PCDH15: variants seen among roughly 807,000 people sequenced by gnomAD.
PCDH15 encodes the protein protocadherin-15.
A neutral mutation model predicts 178.5 loss-of-function variants in PCDH15; 129 were observed. The ratio of observed to expected loss-of-function variants is 0.72; its 90% CI spans 0.63 to 0.84. The LOEUF (loss-of-function observed/expected upper bound fraction) is 0.84. PCDH15 is among the 40% of genes least tolerant of loss of function. The pLI is 0.00. For missense variants in PCDH15, 2,230 were observed against 2,099.9 expected, an observed-to-expected ratio of 1.06 and a Z score of -1.21; for synonymous variants, 800 against 732.0, an observed-to-expected ratio of 1.09 and a Z score of -1.50.
At chr10:55,585,549 C>T (rs1160874466) in intron 2 of PCDH15, among the ~76,000 whole-genome samples, 3 of 151,968 alleles carry the variant, frequency 2.0e-5, no homozygotes, top group South Asian at 2.1e-4. Context: ...TGGTGGCGGG[C>T]GCCTGTAGTC....
chr10:54,104,859 A>G lies in PCDH15; in HGVS notation c.1918-14796T>C, dbSNP rs1417188664. Among the ~76,000 whole-genome samples, 7 of 149,716 alleles carry G rather than the reference A, an allele frequency of 4.7e-5. No homozygotes were observed. The East Asian group carries it at 1.4e-3, about 30-fold the overall frequency. ...CTCAACAACAACAAAAAAAAAAAAA[A>G]AAAAAAAAAAGAATCCCTGAGTTCA... On this transcript the variant is annotated intron_variant, in intron 15 of 37. Coordinates refer to ENST00000644397, the MANE Select transcript of PCDH15 (RefSeq NM_001384140.1).
chr10:54,274,148 G>A (rs944185535), intron 8 of PCDH15, among the ~76,000 whole-genome samples: 11 of 151,896 alleles, frequency 7.2e-5, no homozygotes, highest in Admixed American at 2.0e-4. Flanking sequence ...AGGGTGGAGA[G>A]TTGGAGGAGG....
At chr10:54,209,871 T>C (rs113888363) in intron 10 of PCDH15, among the ~76,000 whole-genome samples, 127 of 152,234 alleles carry the variant, frequency 8.3e-4, no homozygotes, top group Non-Finnish European at 1.5e-3. Context: ...TGACTAAACA[T>C]TTTCTAGAGT....
chr10:55,542,014 T>C (rs908266935), intron 2 of PCDH15, among the ~76,000 whole-genome samples: 4 of 151,692 alleles, frequency 2.6e-5, no homozygotes, highest in Admixed American at 2.6e-4. Flanking sequence ...GAACAAAATT[T>C]GCAAATGATC....
intron 3 of PCDH15, among the ~76,000 whole-genome samples, chr10:54,887,099 T>G (rs2131811810): frequency 6.6e-6 from 1 of 152,298 alleles, no homozygotes; most frequent in African/African-American, 2.4e-5. Context: ...TGTTTTTGAT[T>G]GAAAGGAAGC....
intron 3 of PCDH15, among the ~76,000 whole-genome samples, chr10:54,525,871 A>T (rs1433990129): frequency 6.6e-6 from 1 of 152,266 alleles, no homozygotes; most frequent in Non-Finnish European, 1.5e-5. Flanking sequence ...GCACTACATT[A>T]TAATATCTGG....
chr10:55,380,105 G>A (rs551102214), intron 2 of PCDH15, among the ~76,000 whole-genome samples: 2 of 152,170 alleles, frequency 1.3e-5, no homozygotes, highest in South Asian at 4.2e-4. Flanking sequence ...GAACTCACAT[G>A]AGAAAAATAA....
chr10:53,822,750 T>C lies in PCDH15; in HGVS notation c.4368-2520A>G, dbSNP rs754402677. 197 of 1,613,740 alleles carry C rather than the reference T, an allele frequency of 1.2e-4. 1 individual carries two copies. The highest frequency in any genetic ancestry group is 1.6e-4 in the Non-Finnish European group (189 of 1,179,930). On this transcript the variant is annotated intron_variant, in intron 32 of 37. Transcript: ENST00000644397. ...AGGCCTGGGAAAGCAAAATGAAGAG[T>C]CTGAAGAGAGAGATTTCAACTGTTC...
chr10:54,418,838 A>G (rs1954824132), intron 3 of PCDH15, among the ~76,000 whole-genome samples: 1 of 152,046 alleles, frequency 6.6e-6, no homozygotes, highest in Non-Finnish European at 1.5e-5. Context: ...ATTCTAAACA[A>G]AGCTAAAAGA....
At chr10:54,956,588 A>G (rs990795047) in intron 2 of PCDH15, among the ~76,000 whole-genome samples, 5 of 151,614 alleles carry the variant, frequency 3.3e-5, no homozygotes, top group Admixed American at 6.6e-5. Flanking sequence ...AGAATAGGGT[A>G]TATTTAATCA....
intron 2 of PCDH15, among the ~76,000 whole-genome samples, chr10:54,662,167 T>A (rs2094501765): frequency 1.3e-5 from 2 of 151,976 alleles, no homozygotes; most frequent in Middle Eastern, 3.4e-3. Context: ...GACAAAAGAT[T>A]TATGTCCGAA....
chr10:54,336,439 G>A (rs1246625621), intron 6 of PCDH15, among the ~76,000 whole-genome samples: 1 of 152,142 alleles, frequency 6.6e-6, no homozygotes, highest in Admixed American at 6.6e-5. Context: ...GCCAGGTCCT[G>A]GACCCCCCTT....
At chr10:54,145,481 C>T (rs2043815620) in intron 14 of PCDH15, among the ~76,000 whole-genome samples, 1 of 152,038 alleles carries the variant, frequency 6.6e-6, no homozygotes, top group African/African-American at 2.4e-5. Flanking sequence ...TTGATGTTCA[C>T]AGATTGTATT....
chr10:53,906,685 C>T (rs967928296), intron 25 of PCDH15, among the ~76,000 whole-genome samples: 1 of 152,050 alleles, frequency 6.6e-6, no homozygotes, highest in African/African-American at 2.4e-5. Flanking sequence ...CTTTTGGTAC[C>T]ACAAAATAAT....
intron 2 of PCDH15, among the ~76,000 whole-genome samples, chr10:55,423,464 T>C (rs965996383): frequency 2.0e-5 from 3 of 151,922 alleles, no homozygotes; most frequent in South Asian, 2.1e-4. Flanking sequence ...ATGAAACAAA[T>C]GGTTGAGGAA....
chr10:54,105,111 T>C (rs1269420774), intron 15 of PCDH15, among the ~76,000 whole-genome samples: 1 of 150,762 alleles, frequency 6.6e-6, no homozygotes, highest in Non-Finnish European at 1.5e-5. Flanking sequence ...GATCTAATCA[T>C]ATTAAACAGC....
intron 5 of PCDH15, among the ~76,000 whole-genome samples, chr10:54,364,151 G>A (rs557179985): frequency 9.3e-4 from 141 of 151,506 alleles, no homozygotes; most frequent in Non-Finnish European, 1.5e-3. Flanking sequence ...GGCAGAGGTT[G>A]TGCTGAGCCA....
intron 1 of PCDH15, among the ~76,000 whole-genome samples, chr10:55,294,913 T>A (rs2132271999): frequency 6.6e-6 from 1 of 152,284 alleles, no homozygotes; most frequent in Non-Finnish European, 1.5e-5. Context: ...GTATTAAAAT[T>A]TTTCTCTGAT....
chr10:55,485,064 C>G (rs572804097), intron 2 of PCDH15, among the ~76,000 whole-genome samples: 1 of 151,338 alleles, frequency 6.6e-6, no homozygotes, highest in Non-Finnish European at 1.5e-5. Context: ...AAGCCTCTGC[C>G]CAGCAAAGGA....
Sources: gnomAD v4.1 joint callset for allele counts (sites outside exome capture counted in the v4.1 genomes callset) on GRCh38, gnomAD v4.1.1 for gene constraint, MANE v1.5 for transcripts, NCBI Gene and HGNC (gene_info 2026-07-23, HGNC 2026-07-21) for gene names.